The following TRPC7 variants were observed in gnomAD, a reference collection of about 807,000 sequenced individuals.
The protein encoded by TRPC7 is transient receptor potential cation channel subfamily C member 7.
Under a neutral mutation model 90.1 loss-of-function variants are expected in TRPC7, and 42 were observed. That is an observed-to-expected ratio of 0.47 (90% CI 0.36 to 0.60). The LOEUF (loss-of-function observed/expected upper bound fraction) is 0.60, where lower values mean the gene tolerates loss of function less well. Ranked by LOEUF, TRPC7 falls within the 20% of genes least tolerant of loss-of-function variation. The pLI is 0.00. For synonymous variants in TRPC7, 451 were observed against 436.3 expected (o/e 1.03, Z -0.42); for missense variants, 955 against 1,112.3 (o/e 0.86, Z 2.01).
Position 136,266,357 on chromosome 5 carries a change from A to G in TRPC7, c.1208T>C (p.Val403Ala). The G allele has an allele frequency of 2.5e-6, 4 of 1,613,932 alleles. No homozygotes were observed. The South Asian group carries it at 3.3e-5, about 13-fold the overall frequency. ...VSFTIFLGLLVVNASDRFEGV... is the reference protein window; with the variant it reads ...VSFTIFLGLLAVNASDRFEGV... ...TTCAAATCGGTCAGATGCATTCACAACTAATAATCCCAAGAAGATTGTAAA... is the reference window on the plus strand; with the variant it reads ...TTCAAATCGGTCAGATGCATTCACAGCTAATAATCCCAAGAAGATTGTAAA... Residue 403 changes from valine to alanine, a missense_variant, in exon 5 of 12, where the codon GTT becomes GCT. Physicochemically the swap from Val to Ala is moderately conservative, Grantham distance 64. This residue lies in a region of TRPC7 where 484 missense variants were observed against 509.6 expected (regional missense o/e 0.95). Transcript: ENST00000513104.
intron 3 of TRPC7, among the ~76,000 whole-genome samples, chr5:136,278,865 A>T (rs1467253581): frequency 6.6e-6 from 1 of 151,988 alleles, no homozygotes; most frequent in Non-Finnish European, 1.5e-5. Context: ...TTCTATCTGG[A>T]TGCCTCTATA....
At chr5:136,229,184 A>T (rs1157938865) in intron 8 of TRPC7, among the ~76,000 whole-genome samples, 1 of 152,224 alleles carries the variant, frequency 6.6e-6, no homozygotes, top group Non-Finnish European at 1.5e-5. Flanking sequence ...AAAATGCTTT[A>T]AAAATATATG....
intron 7 of TRPC7, among the ~76,000 whole-genome samples, chr5:136,235,468 C>T (rs544272548): frequency 2.6e-5 from 4 of 152,218 alleles, no homozygotes; most frequent in South Asian, 2.1e-4. Context: ...AGAGAGAAGG[C>T]TAGCATTGGA....
chr5:136,323,624 C>T (rs1479396498), intron 2 of TRPC7, among the ~76,000 whole-genome samples: 1 of 152,184 alleles, frequency 6.6e-6, no homozygotes, highest in African/African-American at 2.4e-5. Context: ...TTTTGCACAT[C>T]TGTCAAAAAT....
At position 136,287,687 on chromosome 5, in the gene TRPC7, C is replaced by CAAAAAAAAAAAAAAAAA. The variant is rs767031610; in HGVS notation, c.964-12867_964-12851dup. Among the ~76,000 whole-genome samples the CAAAAAAAAAAAAAAAAA allele has an allele frequency of 5.7e-4, 34 of 59,520 alleles. 1 individual carries two copies. The highest frequency in any genetic ancestry group is 1.8e-3 in the East Asian group (3 of 1,658). 39.0% of individuals were successfully genotyped at this position (59,520 alleles called of 152,430 possible). A position where few individuals can be genotyped will look rare whatever the true frequency, so the allele number is the denominator to read the frequency against. Reference sequence around the variant, plus strand: ...TAGTGTCAGGGACAGAGTGGATGCTCAAAAAAAAAAAAAAAAAAAAAAAAA... The same window carrying CAAAAAAAAAAAAAAAAA: ...TAGTGTCAGGGACAGAGTGGATGCTCAAAAAAAAAAAAAAAAAAAAAAAAAAAAAAAAAAAAAAAAAA... On this transcript the variant is annotated intron_variant, in intron 3 of 11. Coordinates refer to ENST00000513104, the MANE Select transcript of TRPC7 (RefSeq NM_020389.3).
At chr5:136,288,248 C>T (rs11958545) in intron 3 of TRPC7, among the ~76,000 whole-genome samples, 13,171 of 152,110 alleles carry the variant, frequency 0.087, 728 homozygotes, top group Non-Finnish European at 0.13. Flanking sequence ...GATATCTTAC[C>T]AGCAAGAGGC....
intron 5 of TRPC7, among the ~76,000 whole-genome samples, chr5:136,265,265 A>C (rs925724878): frequency 4.6e-5 from 7 of 152,222 alleles, no homozygotes; most frequent in African/African-American, 1.7e-4. Context: ...AATACCATTA[A>C]GCCAATTGAA....
At position 136,270,947 on chromosome 5, in the gene TRPC7, T is replaced by C. The variant is rs115818668; in HGVS notation, c.1128+3726A>G. ...TGTGTTGTGATTTTCTTTAATCGAG[T>C]GTAGCTCTCTGGTAGAGATAAATGT... is the stretch of plus-strand genomic sequence containing the variant. On this transcript the variant is annotated intron_variant, in intron 4 of 11. Transcript: ENST00000513104. Among the ~76,000 whole-genome samples the C allele has an allele frequency of 6.8e-3, 1,034 of 152,254 alleles. 9 individuals are homozygous for C. The highest frequency in any genetic ancestry group is 0.023 in the African/African-American group (961 of 41,546).
chr5:136,324,221 ATGT>A (rs1380071634), intron 2 of TRPC7, among the ~76,000 whole-genome samples: 7 of 152,172 alleles, frequency 4.6e-5, no homozygotes, highest in African/African-American at 1.2e-4. Flanking sequence ...ATAGACAAAC[ATGT>A]TGTCTGAAAA....
intron 2 of TRPC7, among the ~76,000 whole-genome samples, chr5:136,352,150 C>G (rs1760213072): frequency 6.6e-6 from 1 of 152,150 alleles, no homozygotes; most frequent in South Asian, 2.1e-4. Context: ...TTTGGGCACA[C>G]TGGATGCTTT....
chr5:136,317,373 G>T (rs1268066034), intron 2 of TRPC7, among the ~76,000 whole-genome samples: 1 of 152,204 alleles, frequency 6.6e-6, no homozygotes, highest in Non-Finnish European at 1.5e-5. Flanking sequence ...AAAATTAGTG[G>T]TGAACAAGGC....
chr5:136,275,231 TG>T (rs1179606982), intron 3 of TRPC7, among the ~76,000 whole-genome samples: 2 of 152,176 alleles, frequency 1.3e-5, no homozygotes, highest in Non-Finnish European at 2.9e-5. Flanking sequence ...GGAGCATGAA[TG>T]GGGTTTTGGA....
chr5:136,281,657 G>A (rs959302481), intron 3 of TRPC7, among the ~76,000 whole-genome samples: 4 of 152,136 alleles, frequency 2.6e-5, no homozygotes, highest in Non-Finnish European at 4.4e-5. Context: ...GCCTGCCCAC[G>A]TGTCAATACA....
At chr5:136,292,891 C>T (rs903252855) in intron 3 of TRPC7, among the ~76,000 whole-genome samples, 1 of 152,110 alleles carries the variant, frequency 6.6e-6, no homozygotes, top group African/African-American at 2.4e-5. Context: ...TGCAAAAATC[C>T]TCAATAAAAT....
chr5:136,342,423 A>C (rs1205982186), intron 2 of TRPC7, among the ~76,000 whole-genome samples: 1 of 152,118 alleles, frequency 6.6e-6, no homozygotes, highest in East Asian at 1.9e-4. Flanking sequence ...TTCTAAATGG[A>C]TCTTCACTGA....
intron 3 of TRPC7, among the ~76,000 whole-genome samples, chr5:136,279,254 C>T (rs1757468551): frequency 6.6e-6 from 1 of 152,196 alleles, no homozygotes; most frequent in Non-Finnish European, 1.5e-5. Flanking sequence ...TGTTGGGTTG[C>T]TCTGAGAACT....
At chr5:136,291,226 G>A (rs1281135759) in intron 3 of TRPC7, among the ~76,000 whole-genome samples, 2 of 152,184 alleles carry the variant, frequency 1.3e-5, no homozygotes, top group Non-Finnish European at 1.5e-5. Context: ...GGAAGAAACT[G>A]CATCAACTAA....
chr5:136,291,268 A>C (rs1472772378), intron 3 of TRPC7, among the ~76,000 whole-genome samples: 32 of 148,230 alleles, frequency 2.2e-4, no homozygotes, highest in South Asian at 6.5e-4. Flanking sequence ...ATCATAATGA[A>C]AGGATCAAAT....
intron 2 of TRPC7, among the ~76,000 whole-genome samples, chr5:136,340,680 T>C (rs907465259): frequency 6.6e-6 from 1 of 151,942 alleles, no homozygotes; most frequent in Non-Finnish European, 1.5e-5. Context: ...TTTGAATAAA[T>C]TTTCCGTTCA....
Sources: allele counts gnomAD v4.1 joint callset (sites outside exome capture counted in the v4.1 genomes callset), GRCh38; gene constraint gnomAD v4.1.1; regional missense constraint gnomAD v4.1.1; transcripts MANE v1.5; gene names NCBI Gene and HGNC (gene_info 2026-07-23, HGNC 2026-07-21).